PCM1: variants seen among roughly 807,000 people sequenced by gnomAD.
PCM1 encodes the protein pericentriolar material 1 protein.
In PCM1, 157 loss-of-function variants were observed where a neutral mutation model predicts 241.9. The ratio of observed to expected loss-of-function variants is 0.65; its 90% CI spans 0.57 to 0.74. The LOEUF (loss-of-function observed/expected upper bound fraction) is 0.74. Ranked by LOEUF, PCM1 falls within the 30% of genes least tolerant of loss-of-function variation. PCM1 has a pLI of 0.00. For missense variants in PCM1, 3,478 were observed against 2,360.1 expected, an observed-to-expected ratio of 1.47 and a Z score of -9.81; for synonymous variants, 1,085 against 784.9, an observed-to-expected ratio of 1.38 and a Z score of -6.39.
At chr8:17,967,280 A>G (rs1436180057) in intron 21 of PCM1, 110 bp downstream of exon 21, 1 of 715,540 alleles carries the variant, frequency 1.4e-6, no homozygotes, top group African/African-American at 1.9e-5. Flanking sequence ...GGGGTAGGAA[A>G]TGTTTGCAAA....
At chr8:18,005,200 G>A (rs1283525596) in intron 29 of PCM1, among the ~76,000 whole-genome samples, 1 of 152,050 alleles carries the variant, frequency 6.6e-6, no homozygotes, top group African/African-American at 2.4e-5. Flanking sequence ...AATGTCTCCT[G>A]TGAGCCACTG....
chr8:17,950,366 C>G (rs774562283), intron 7 of PCM1, among the ~76,000 whole-genome samples: 3 of 152,220 alleles, frequency 2.0e-5, no homozygotes, highest in Admixed American at 6.5e-5. Context: ...TAATAGTAAC[C>G]CTCCTTGTAT....
rs1383975343 is a variant in PCM1 at position 18,006,184 on chromosome 8, A to G, written c.4828-79A>G. On this transcript the variant is annotated intron_variant, in intron 29 of 38. Coordinates refer to ENST00000325083, the MANE Select transcript of PCM1 (RefSeq NM_006197.4). ...TACGGCAAGAAAATTAAAAATTAAC[A>G]TTTTGTATTATATGGATTGATTTTC... 32 of 1,125,102 alleles carry G rather than the reference A, an allele frequency of 2.8e-5. No individual in the cohort carries two copies. The East Asian group carries it at 8.1e-4, about 29-fold the overall frequency. 69.7% of individuals were successfully genotyped at this position (1,125,102 alleles called of 1,614,324 possible). A position where few individuals can be genotyped will look rare whatever the true frequency, so the allele number is the denominator to read the frequency against.
At chr8:17,988,026 G>A (rs1441930037) in intron 26 of PCM1, among the ~76,000 whole-genome samples, 8 of 151,720 alleles carry the variant, frequency 5.3e-5, no homozygotes, top group African/African-American at 1.9e-4. Context: ...GCCTAGGGAA[G>A]AGAGAAATGA....
At chr8:17,941,372 G>C (rs1217590293) in intron 6 of PCM1, among the ~76,000 whole-genome samples, 1 of 152,122 alleles carries the variant, frequency 6.6e-6, no homozygotes, top group Admixed American at 6.6e-5. Flanking sequence ...ACATGTAGCA[G>C]AGTAAATGTT....
chr8:17,954,634 C>T (rs2067355738), intron 9 of PCM1, among the ~76,000 whole-genome samples: 1 of 152,006 alleles, frequency 6.6e-6, no homozygotes, highest in Non-Finnish European at 1.5e-5. Flanking sequence ...CTGGAAACCA[C>T]CTACAGGAAT....
intron 24 of PCM1, chr8:17,982,579 C>G (rs1171119897): frequency 6.6e-6 from 1 of 152,238 alleles, no homozygotes; most frequent in Non-Finnish European, 1.5e-5. Flanking sequence ...ACTGCAACCT[C>G]TGCCTCCCGG....
At chr8:17,940,405 A>G (rs1188873692) in intron 6 of PCM1, among the ~76,000 whole-genome samples, 4 of 152,182 alleles carry the variant, frequency 2.6e-5, no homozygotes, top group Non-Finnish European at 4.4e-5. Context: ...GTTTATAGAA[A>G]CATTGTTTTT....
In PCM1 at chr8:18,028,210, A is replaced by C. The variant is rs944640870; in HGVS notation, c.*548A>C. Reference sequence around the variant, plus strand: ...CTGTGCAAGAATAGGGCAGATTATCAAGATATCCAGGATACCTATGAAGTT... The same window carrying C: ...CTGTGCAAGAATAGGGCAGATTATCCAGATATCCAGGATACCTATGAAGTT... On this transcript the variant is annotated 3_prime_UTR_variant, in exon 39 of 39. Transcript: ENST00000325083. 1.0e-5 allele frequency: 2 copies of C among 190,848 alleles called. No individual in the cohort carries two copies. Among genetic ancestry groups the C allele is most frequent in the African/African-American group, 4.6e-5 (2 of 43,074 alleles). 11.8% of individuals were successfully genotyped at this position (190,848 alleles called of 1,614,324 possible). A position where few individuals can be genotyped will look rare whatever the true frequency, so the allele number is the denominator to read the frequency against.
At chr8:18,010,255 C>T (rs1031439261) in intron 31 of PCM1, among the ~76,000 whole-genome samples, 16 of 152,146 alleles carry the variant, frequency 1.1e-4, no homozygotes, top group African/African-American at 3.1e-4. Context: ...TGAGGCATAC[C>T]AGGAAGCCTT....
intron 11 of PCM1, 103 bp downstream of exon 11, chr8:17,956,880 T>C: frequency 1.1e-6 from 1 of 907,320 alleles, no homozygotes; most frequent in Non-Finnish European, 1.7e-6. Flanking sequence ...TATTTGCCTT[T>C]TATTTAAGCT....
chr8:17,958,807 C>T (rs1368597336), intron 13 of PCM1, among the ~76,000 whole-genome samples: 1 of 152,038 alleles, frequency 6.6e-6, no homozygotes, highest in East Asian at 1.9e-4. Context: ...CTGCAAGCTC[C>T]ATCTCCCGGG....
At chr8:18,011,976 A>G (rs450918) in intron 34 of PCM1, 149 bp downstream of exon 34, 1 of 718,858 alleles carries the variant, frequency 1.4e-6, no homozygotes, top group Non-Finnish European at 2.2e-6. Context: ...TTAAAATCTG[A>G]AAAACCAGTT....
intron 2 of PCM1, among the ~76,000 whole-genome samples, chr8:17,930,279 T>C (rs556000884): frequency 1.3e-5 from 2 of 151,726 alleles, no homozygotes; most frequent in Non-Finnish European, 2.9e-5. Flanking sequence ...TTTTTGTATT[T>C]TTAGTAGAGG....
Position 18,029,663 on chromosome 8 carries a change from A to C in PCM1, c.*2001A>C, listed in dbSNP as rs1279457153. ...TAGATAATTTAGTTTTAAAATACGTAGGGTTTGAGAGCAGATATATTTATT... is the reference window on the plus strand; with the variant it reads ...TAGATAATTTAGTTTTAAAATACGTCGGGTTTGAGAGCAGATATATTTATT... On this transcript the variant is annotated 3_prime_UTR_variant, in exon 39 of 39. Transcript: ENST00000325083. The C allele has an allele frequency of 5.0e-6, 1 of 199,502 alleles. No individual in the cohort carries two copies. The highest frequency in any genetic ancestry group is 2.3e-5 in the African/African-American group (1 of 43,456). 12.4% of individuals were successfully genotyped at this position (199,502 alleles called of 1,614,324 possible).
chr8:18,029,144 G>A lies in PCM1; in HGVS notation c.*1482G>A, dbSNP rs550381834. The A allele has an allele frequency of 2.4e-4, 32 of 133,282 alleles. No individual in the cohort carries two copies. The highest frequency in any genetic ancestry group is 9.0e-4 in the East Asian group (8 of 8,926). The allele number at this position is 133,282 out of a possible 1,614,324, so 8.3% of individuals were successfully genotyped here. On this transcript the variant is annotated 3_prime_UTR_variant, in exon 39 of 39. Coordinates refer to ENST00000325083, the MANE Select transcript of PCM1 (RefSeq NM_006197.4). ...CTGCACTCCAGCCTGGCAACAGAGC[G>A]AGACTCTGTCTCAAAAAAAAAAAAA...
At chr8:17,956,874 T>G (rs2068748104) in intron 11 of PCM1, 97 bp downstream of exon 11, 1 of 973,214 alleles carries the variant, frequency 1.0e-6, no homozygotes, top group African/African-American at 1.6e-5. Flanking sequence ...ATTTACTATT[T>G]GCCTTTTATT....
chr8:17,954,580 A>G (rs942020049), intron 9 of PCM1, among the ~76,000 whole-genome samples: 1 of 152,252 alleles, frequency 6.6e-6, no homozygotes, highest in Admixed American at 6.5e-5. Flanking sequence ...GTGTGAGAGC[A>G]GCAGCAAAAG....
intron 36 of PCM1, among the ~76,000 whole-genome samples, chr8:18,018,788 C>A (rs1260599410): frequency 1.4e-5 from 2 of 145,038 alleles, no homozygotes; most frequent in Admixed American, 1.4e-4. Context: ...TCCAGCCTGG[C>A]CACAGAGCCA....
Sources: gnomAD v4.1 joint callset for allele counts (sites outside exome capture counted in the v4.1 genomes callset) on GRCh38, gnomAD v4.1.1 for gene constraint, MANE v1.5 for transcripts, NCBI Gene and HGNC (gene_info 2026-07-23, HGNC 2026-07-21) for gene names.